CD44: variants seen among roughly 807,000 people sequenced by gnomAD.
The protein encoded by CD44 is CD44 antigen.
In CD44, 49 loss-of-function variants were observed where a neutral mutation model predicts 88.8. That is an observed-to-expected ratio of 0.55 (90% CI 0.44 to 0.70). The LOEUF (loss-of-function observed/expected upper bound fraction) is 0.70, where lower values mean the gene tolerates loss of function less well. Among genes scored for constraint, CD44 ranks in the 30% least tolerant of loss-of-function variants. CD44 has a pLI of 0.00. For missense variants in CD44, 883 were observed against 913.8 expected, an observed-to-expected ratio of 0.97 and a Z score of 0.43; for synonymous variants, 325 against 312.3, an observed-to-expected ratio of 1.04 and a Z score of -0.43.
In CD44 at chr11:35,189,874, G is replaced by A; in HGVS notation, c.476G>A (p.Gly159Glu). The A allele has an allele frequency of 1.2e-6, 2 of 1,614,088 alleles. No individual in the cohort carries two copies. Among genetic ancestry groups the A allele is most frequent in the Non-Finnish European group, 1.7e-6 (2 of 1,180,006 alleles). Residue 159 changes from glycine (G) to glutamate (E), a missense_variant, in exon 5 of 18, where the codon GGA becomes GAA. Gly to Glu is a moderately conservative substitution (Grantham distance 98, BLOSUM62 -2). Transcript: ENST00000428726. ...GATGGCACCCGCTATGTCCAGAAAG[G>A]AGAATACAGAACGAATCCTGAAGAC... is the stretch of plus-strand genomic sequence containing the variant. ...NRDGTRYVQK[G>E]EYRTNPEDIY...
At chr11:35,149,070 G>A (rs1293544217) in intron 1 of CD44, among the ~76,000 whole-genome samples, 1 of 152,054 alleles carries the variant, frequency 6.6e-6, no homozygotes, top group Non-Finnish European at 1.5e-5. Context: ...CAGTAGAACG[G>A]GGATCTGGAT....
intron 1 of CD44, among the ~76,000 whole-genome samples, chr11:35,174,383 T>C (rs1176216366): frequency 1.3e-5 from 2 of 152,014 alleles, no homozygotes; most frequent in African/African-American, 4.8e-5. Flanking sequence ...ACTTGGGGCA[T>C]TGTCCCAAGA....
intron 3 of CD44, among the ~76,000 whole-genome samples, chr11:35,181,299 C>G (rs1356744752): frequency 6.6e-6 from 1 of 152,090 alleles, no homozygotes; most frequent in African/African-American, 2.4e-5. Flanking sequence ...CACAGGCCAG[C>G]CTTTCTCTAT....
chr11:35,190,033 T>A lies in CD44; in HGVS notation c.635T>A (p.Ile212Asn), dbSNP rs1383243266. The A allele has an allele frequency of 3.1e-6, 5 of 1,614,074 alleles. No individual in the cohort carries two copies. The highest frequency in any genetic ancestry group is 3.4e-6 in the Non-Finnish European group (4 of 1,180,010). Reference protein sequence around the residue: ...HPIPDEDSPWITDSTDRIPAT... With the variant: ...HPIPDEDSPWNTDSTDRIPAT... ...ATCCCAGACGAAGACAGTCCCTGGA[T>A]CACCGACAGCACAGACAGAATCCCT... The change falls in exon 5 of 18, where the codon ATC becomes AAC. Residue 212 changes from isoleucine (I) to asparagine (N), a missense_variant. Physicochemically the swap from Ile to Asn is moderately radical, Grantham distance 149. Coordinates refer to ENST00000428726, the MANE Select transcript of CD44 (RefSeq NM_000610.4).
chr11:35,204,403 T>A (rs1057340036), intron 9 of CD44, 109 bp from the exon 10 acceptor site: 13 of 1,022,628 alleles, frequency 1.3e-5, no homozygotes, highest in Non-Finnish European at 1.9e-5. Context: ...GCCTTTCTTT[T>A]CTACCTTCCC....
rs1945733522 is a variant in CD44, at chr11:35,186,875, T to A, written c.411T>A (p.Asn137Lys). Reference protein sequence around the residue: ...EDCTSVTDLPNAFDGPITITI... With the variant: ...EDCTSVTDLPKAFDGPITITI... ...GTACATCAGTCACAGACCTGCCCAA[T>A]GCCTTTGATGGACCAATTACCATAA... The change falls in exon 4 of 18, where the codon AAT becomes AAA. Residue 137 changes from asparagine (N) to lysine (K), a missense_variant. This residue lies in a region of CD44 where 252 missense variants were observed against 322.9 expected (regional missense o/e 0.78). Transcript: ENST00000428726. 2 of 1,606,236 alleles carry A rather than the reference T, an allele frequency of 1.2e-6. No individual in the cohort carries two copies. The highest frequency in any genetic ancestry group is 1.7e-6 in the Non-Finnish European group (2 of 1,172,916).
At chr11:35,202,586 C>T (rs1431430381) in intron 9 of CD44, among the ~76,000 whole-genome samples, 2 of 152,174 alleles carry the variant, frequency 1.3e-5, no homozygotes, top group African/African-American at 4.8e-5. Context: ...AACTGTCATT[C>T]TCACAGCCCT....
intron 4 of CD44, among the ~76,000 whole-genome samples, chr11:35,187,395 C>T (rs1057162027): frequency 4.6e-5 from 7 of 152,218 alleles, no homozygotes; most frequent in African/African-American, 1.2e-4. Context: ...GGTTTACACT[C>T]ATGCATCGTT....
chr11:35,146,407 T>C (rs1859188432), intron 1 of CD44, among the ~76,000 whole-genome samples: 1 of 152,210 alleles, frequency 6.6e-6, no homozygotes. Flanking sequence ...TTTTGAGAGC[T>C]CTTACGCTTT....
At chr11:35,224,130 A>G (rs774272113) in intron 17 of CD44, among the ~76,000 whole-genome samples, 1 of 152,212 alleles carries the variant, frequency 6.6e-6, no homozygotes, top group East Asian at 1.9e-4. Context: ...TTAAAAGACA[A>G]AAGTGGAAAA....
intron 2 of CD44, 60 bp downstream of exon 2, chr11:35,176,800 C>T: frequency 1.3e-6 from 2 of 1,516,382 alleles, no homozygotes; most frequent in Non-Finnish European, 1.8e-6. Flanking sequence ...GGCAGCTGGG[C>T]TTAGAACTGG....
At chr11:35,206,369 T>C in intron 11 of CD44, 126 bp downstream of exon 11, 1 of 941,492 alleles carries the variant, frequency 1.1e-6, no homozygotes, top group Non-Finnish European at 1.5e-6. Flanking sequence ...CTGAGGTTCT[T>C]CAAAAATTAG....
intron 12 of CD44, among the ~76,000 whole-genome samples, chr11:35,209,332 T>A (rs1239452202): frequency 1.3e-5 from 2 of 152,216 alleles, no homozygotes; most frequent in Non-Finnish European, 2.9e-5. Flanking sequence ...AGCGTTTCCT[T>A]GGTGCAGTGA....
chr11:35,157,425 TATTA>T (rs1412093961), intron 1 of CD44, among the ~76,000 whole-genome samples: 7 of 152,202 alleles, frequency 4.6e-5, no homozygotes, highest in African/African-American at 1.7e-4. Flanking sequence ...TATCTCTATC[TATTA>T]ATTATCTCTA....
intron 3 of CD44, among the ~76,000 whole-genome samples, chr11:35,184,125 T>C (rs1450959512): frequency 6.6e-6 from 1 of 151,916 alleles, no homozygotes; most frequent in South Asian, 2.1e-4. Context: ...GCTCATTAAA[T>C]GGAAAGAAAG....
intron 17 of CD44, among the ~76,000 whole-genome samples, chr11:35,223,738 G>GT (rs1949491599): frequency 6.6e-6 from 1 of 152,188 alleles, no homozygotes; most frequent in Non-Finnish European, 1.5e-5. Context: ...CTAAAAGGTG[G>GT]TGAACAGCTG....
intron 3 of CD44, among the ~76,000 whole-genome samples, chr11:35,186,511 A>G (rs1390320775): frequency 6.6e-6 from 1 of 151,368 alleles, no homozygotes; most frequent in Non-Finnish European, 1.5e-5. Context: ...TTAGAGAAGG[A>G]GCCGTGTCTA....
At chr11:35,197,011 T>A in intron 6 of CD44, 137 bp downstream of exon 6, 1 of 763,384 alleles carries the variant, frequency 1.3e-6, no homozygotes. Flanking sequence ...GAAGGATCAT[T>A]AACTCTGGTA....
At chr11:35,177,739 G>C (rs1166764966) in intron 2 of CD44, among the ~76,000 whole-genome samples, 1 of 152,216 alleles carries the variant, frequency 6.6e-6, no homozygotes, top group African/African-American at 2.4e-5. Context: ...TGCTGAAAGG[G>C]AAAAGGAAAG....
Sources: gnomAD v4.1 joint callset for allele counts (sites outside exome capture counted in the v4.1 genomes callset) on GRCh38, gnomAD v4.1.1 for gene constraint, gnomAD v4.1.1 regional missense constraint, MANE v1.5 for transcripts, NCBI Gene and HGNC (gene_info 2026-07-23, HGNC 2026-07-21) for gene names.